CTNND2: variants seen among roughly 807,000 people sequenced by gnomAD.
CTNND2 encodes catenin delta 2.
A neutral mutation model predicts 144.4 loss-of-function variants in CTNND2; 22 were observed. The observed-to-expected ratio is 0.15, with a 90% CI of 0.11 to 0.22. The LOEUF (loss-of-function observed/expected upper bound fraction) is 0.22. CTNND2 is among the 10% of genes least tolerant of loss of function. The pLI, the probability that CTNND2 is intolerant of heterozygous loss-of-function variation, is 1.00. For synonymous variants in CTNND2, 751 were observed against 695.6 expected, an observed-to-expected ratio of 1.08 and a Z score of -1.25; for missense variants, 1,353 against 1,618.8, an observed-to-expected ratio of 0.84 and a Z score of 2.82.
intron 2 of CTNND2, among the ~76,000 whole-genome samples, chr5:11,723,938 C>G (rs1024269537): frequency 6.6e-6 from 1 of 151,930 alleles, no homozygotes; most frequent in African/African-American, 2.4e-5. Context: ...CACCTGTAGT[C>G]CCAGCTGCTC....
intron 2 of CTNND2, among the ~76,000 whole-genome samples, chr5:11,605,644 AAT>A (rs2126352894): frequency 6.6e-6 from 1 of 152,312 alleles, no homozygotes; most frequent in East Asian, 1.9e-4. Context: ...GTCATAAAGA[AAT>A]AGCCTTGTTT....
intron 16 of CTNND2, among the ~76,000 whole-genome samples, chr5:11,056,576 C>G (rs886287862): frequency 6.6e-5 from 10 of 152,162 alleles, no homozygotes; most frequent in African/African-American, 2.4e-4. Flanking sequence ...CCTTAGCCTC[C>G]CGAGCAGCTG....
chr5:11,164,209 C>T (rs1298631724), intron 11 of CTNND2, among the ~76,000 whole-genome samples: 2 of 152,168 alleles, frequency 1.3e-5, no homozygotes. Context: ...GGATAATCTC[C>T]CCATTTGAAG....
intron 9 of CTNND2, among the ~76,000 whole-genome samples, chr5:11,276,596 C>G (rs944937927): frequency 6.6e-6 from 1 of 152,158 alleles, no homozygotes; most frequent in East Asian, 1.9e-4. Context: ...TAGTGGGTTG[C>G]AAAGTGGCCC....
chr5:11,115,639 G>T (rs914537892), intron 13 of CTNND2, among the ~76,000 whole-genome samples: 2 of 152,230 alleles, frequency 1.3e-5, no homozygotes, highest in Non-Finnish European at 2.9e-5. Context: ...AAGGCCTTCT[G>T]TGAAAGGGGA....
intron 8 of CTNND2, among the ~76,000 whole-genome samples, chr5:11,350,474 C>A (rs928579418): frequency 6.6e-6 from 1 of 151,870 alleles, no homozygotes; most frequent in Non-Finnish European, 1.5e-5. Context: ...AGATGAGAAA[C>A]AACTTTCAAA....
At chr5:11,454,591 T>C (rs1027197471) in intron 3 of CTNND2, among the ~76,000 whole-genome samples, 4 of 141,728 alleles carry the variant, frequency 2.8e-5, no homozygotes, top group Non-Finnish European at 4.4e-5. Flanking sequence ...TAACAGAAAG[T>C]TTTTTTTCCT....
chr5:11,877,422 T>C (rs72736689), intron 1 of CTNND2, among the ~76,000 whole-genome samples: 31,860 of 152,044 alleles, frequency 0.21, 3,904 homozygotes, highest in Non-Finnish European at 0.28. Flanking sequence ...CTGAAATTCA[T>C]TATGATGTCT....
At chr5:11,706,215 G>A (rs1205095350) in intron 2 of CTNND2, among the ~76,000 whole-genome samples, 1 of 152,142 alleles carries the variant, frequency 6.6e-6, no homozygotes, top group Non-Finnish European at 1.5e-5. Context: ...TCTGAGGAGG[G>A]GGCCCAGCTA....
At chr5:11,381,739 G>C (rs868429779) in intron 7 of CTNND2, among the ~76,000 whole-genome samples, 2 of 152,198 alleles carry the variant, frequency 1.3e-5, no homozygotes, top group Middle Eastern at 3.4e-3. Flanking sequence ...AGGCCGAGGC[G>C]GGCAGATCAC....
chr5:11,486,492 T>C (rs753009380), intron 3 of CTNND2, among the ~76,000 whole-genome samples: 1 of 152,122 alleles, frequency 6.6e-6, no homozygotes, highest in Non-Finnish European at 1.5e-5. Context: ...AAAGTGTGTA[T>C]AGTCTTTTTT....
chr5:11,130,681 A>T (rs1755502295), intron 12 of CTNND2, among the ~76,000 whole-genome samples: 1 of 152,168 alleles, frequency 6.6e-6, no homozygotes, highest in Admixed American at 6.5e-5. Context: ...TGCCGCTCAC[A>T]GTTGTTCTTT....
At chr5:11,892,082 A>T (rs1275708903) in intron 1 of CTNND2, among the ~76,000 whole-genome samples, 1 of 152,222 alleles carries the variant, frequency 6.6e-6, no homozygotes, top group Non-Finnish European at 1.5e-5. Context: ...TATTCTCTAT[A>T]ACATCACACA....
At chr5:11,589,534 C>T (rs1369706954) in intron 2 of CTNND2, among the ~76,000 whole-genome samples, 1 of 152,060 alleles carries the variant, frequency 6.6e-6, no homozygotes, top group Admixed American at 6.6e-5. Context: ...AAAGAGAATA[C>T]AAAATGGCAA....
chr5:11,061,526 G>C (rs945147149), intron 16 of CTNND2, among the ~76,000 whole-genome samples: 34 of 152,078 alleles, frequency 2.2e-4, no homozygotes, highest in Non-Finnish European at 7.4e-5. Context: ...CCTGCACCAG[G>C]GGTTTTGCTC....
At chr5:11,160,880 T>C (rs1274671432) in intron 11 of CTNND2, among the ~76,000 whole-genome samples, 1 of 152,202 alleles carries the variant, frequency 6.6e-6, no homozygotes, top group South Asian at 2.1e-4. Context: ...TGTTGAACTA[T>C]CCAAGGACAT....
At chr5:11,443,320 CATGTGTGTGTGGTGTGTGTGG>C (rs1764482239) in intron 3 of CTNND2, among the ~76,000 whole-genome samples, 1 of 57,252 alleles carries the variant, frequency 1.7e-5, no homozygotes, top group African/African-American at 7.4e-5. Flanking sequence ...GGTGTGTGTG[CATGTGTGTGTGGTGTGTGTGG>C]GGAGTGTGTG....
In CTNND2 at chr5:11,188,870, G is replaced by A. The variant is rs78440129; in HGVS notation, c.1975+10578C>T. Among the ~76,000 whole-genome samples, 810 of 152,192 alleles carry A rather than the reference G, an allele frequency of 5.3e-3. 2 individuals carry two copies. Among genetic ancestry groups the A allele is most frequent in the South Asian group, 0.018 (88 of 4,816 alleles). On this transcript the variant is annotated intron_variant, in intron 11 of 21. Transcript: ENST00000304623. The stretch of plus-strand genomic sequence containing the variant: ...CCTCTAGTTTAACAGATCATTATCC[G>A]GGGCTTTTCCTTTCTTCAAACTTCA...
intron 1 of CTNND2, among the ~76,000 whole-genome samples, chr5:11,732,875 T>C (rs1343323259): frequency 6.6e-6 from 1 of 151,790 alleles, no homozygotes; most frequent in African/African-American, 2.4e-5. Flanking sequence ...GGTCATAAGA[T>C]CCTCATTCCA....
Sources: allele counts gnomAD v4.1 joint callset (sites outside exome capture counted in the v4.1 genomes callset), GRCh38; gene constraint gnomAD v4.1.1; transcripts MANE v1.5; gene names NCBI Gene and HGNC (gene_info 2026-07-23, HGNC 2026-07-21).